Variants in JDP2 observed in about 807,000 individuals in gnomAD.
JDP2 encodes the protein Jun dimerization protein 2.
JDP2 carries 9 observed loss-of-function variants against 17.1 expected under a neutral mutation model. That is an observed-to-expected ratio of 0.53 (90% CI 0.32 to 0.92). JDP2 has a LOEUF of 0.92. JDP2 is among the 40% of genes least tolerant of loss of function. The pLI is 0.04. For missense variants in JDP2, 179 were observed against 220.0 expected (o/e 0.81, Z 1.18); for synonymous variants, 107 against 95.6 (o/e 1.12, Z -0.69).
intron 2 of JDP2, among the ~76,000 whole-genome samples, chr14:75,440,008 G>A (rs534394191): frequency 6.6e-6 from 1 of 152,220 alleles, no homozygotes; most frequent in Non-Finnish European, 1.5e-5. Flanking sequence ...AAAGGCACTG[G>A]AGGAACTCTT....
In JDP2 at chr14:75,470,877, C is replaced by T. The variant is rs1337746219; in HGVS notation, c.*1402C>T. The T allele has an allele frequency of 6.6e-6, 1 of 152,238 alleles. No individual in the cohort carries two copies. The highest frequency in any genetic ancestry group is 1.5e-5 in the Non-Finnish European group (1 of 68,046). The allele number at this position is 152,238 out of a possible 1,614,324, so 9.4% of individuals were successfully genotyped here. ...AGGTCCAGGGAATTAAACTCGCAGA[C>T]ACCATTTGTTGAAGACTTATTTTGT... On this transcript the variant is annotated 3_prime_UTR_variant, in exon 4 of 4. Transcript: ENST00000651602.
intron 2 of JDP2, among the ~76,000 whole-genome samples, chr14:75,455,426 C>T (rs549158157): frequency 6.6e-5 from 10 of 152,254 alleles, no homozygotes; most frequent in South Asian, 6.2e-4. Flanking sequence ...GATTCATACA[C>T]GAGATAGTCT....
chr14:75,458,418 C>A (rs10138083), intron 2 of JDP2, among the ~76,000 whole-genome samples: 59,756 of 151,924 alleles, frequency 0.39, 12,100 homozygotes, highest in South Asian at 0.45. Flanking sequence ...GAGAACATGC[C>A]GTATTTGGTT....
At chr14:75,456,326 TC>T (rs993801969) in intron 2 of JDP2, among the ~76,000 whole-genome samples, 15 of 152,308 alleles carry the variant, frequency 9.8e-5, no homozygotes, top group African/African-American at 3.6e-4. Flanking sequence ...TGTCTCTCTC[TC>T]CCCTTCTTCA....
intron 2 of JDP2, among the ~76,000 whole-genome samples, chr14:75,456,744 T>C (rs1055089195): frequency 1.3e-5 from 2 of 152,190 alleles, no homozygotes; most frequent in Non-Finnish European, 2.9e-5. Flanking sequence ...GCATGACCCC[T>C]CAGTCCAGCA....
intron 2 of JDP2, among the ~76,000 whole-genome samples, chr14:75,452,299 C>T (rs1309142770): frequency 6.6e-6 from 1 of 152,208 alleles, no homozygotes; most frequent in African/African-American, 2.4e-5. Context: ...GCAGACACTC[C>T]ACCTCGCTGA....
intron 1 of JDP2, among the ~76,000 whole-genome samples, chr14:75,436,464 A>G (rs10483867): frequency 0.096 from 14,689 of 152,320 alleles, 1,601 homozygotes; most frequent in African/African-American, 0.26. Flanking sequence ...AAGCCAGCGA[A>G]TATTTTGATT....
chr14:75,441,169 T>G (rs1313606677), intron 2 of JDP2, among the ~76,000 whole-genome samples: 2 of 152,082 alleles, frequency 1.3e-5, no homozygotes, highest in Non-Finnish European at 2.9e-5. Flanking sequence ...GCGAGCCGGC[T>G]GAGCCGCTGT....
intron 1 of JDP2, among the ~76,000 whole-genome samples, chr14:75,434,932 T>A (rs1053571663): frequency 6.6e-6 from 1 of 152,236 alleles, no homozygotes; most frequent in Admixed American, 6.5e-5. Flanking sequence ...CACTTAGTTA[T>A]TATTTCAACA....
intron 3 of JDP2, among the ~76,000 whole-genome samples, chr14:75,462,966 G>A (rs948503461): frequency 1.3e-5 from 2 of 152,186 alleles, no homozygotes; most frequent in African/African-American, 4.8e-5. Context: ...TCTAAGACAC[G>A]AGCCTTCAAG....
chr14:75,461,836 G>C (rs925063560), intron 3 of JDP2, among the ~76,000 whole-genome samples: 4 of 152,146 alleles, frequency 2.6e-5, no homozygotes, highest in African/African-American at 9.7e-5. Context: ...GATGGCCCAG[G>C]ACTGCCACTA....
Position 75,449,472 on chromosome 14 carries a change from A to G in JDP2, c.201+11351A>G, listed in dbSNP as rs117747812. Among the ~76,000 whole-genome samples, 293 of 152,310 alleles carry G rather than the reference A, an allele frequency of 1.9e-3. 2 individuals are homozygous for G. Among genetic ancestry groups the G allele is most frequent in the Admixed American group, 5.3e-3 (81 of 15,308 alleles). ...TTGTTAAAGAGTCAGTTTCAGCTGTATTATTAACTCTTTGAGAAGAAGACA... is the reference window on the plus strand; with the variant it reads ...TTGTTAAAGAGTCAGTTTCAGCTGTGTTATTAACTCTTTGAGAAGAAGACA... On this transcript the variant is annotated intron_variant, in intron 2 of 3. Transcript: ENST00000651602.
At chr14:75,460,750 C>T (rs1390920699) in intron 2 of JDP2, among the ~76,000 whole-genome samples, 1 of 152,190 alleles carries the variant, frequency 6.6e-6, no homozygotes, top group Non-Finnish European at 1.5e-5. Context: ...TGTGGGAGAG[C>T]TGAGGGACCC....
Position 75,432,162 on chromosome 14 carries a change from C to T in JDP2, c.-24+3910C>T, listed in dbSNP as rs1442950598. On this transcript the variant is annotated intron_variant, in intron 1 of 3. Coordinates refer to ENST00000651602, the MANE Select transcript of JDP2 (RefSeq NM_001135048.2). ...AAGAGGGCCTTTTGCTGCTCGCCTT[C>T]ACTCTCAGTCTTGGGGCCTTCCCCA... 7.6e-6 allele frequency: 5 copies of T among 655,802 alleles called. No individual in the cohort carries two copies. In the Admixed American group the frequency reaches 1.3e-4, roughly 17 times the overall value. 40.6% of individuals were successfully genotyped at this position (655,802 alleles called of 1,614,324 possible).
At chr14:75,437,172 C>G (rs934236802) in intron 1 of JDP2, among the ~76,000 whole-genome samples, 81 of 97,920 alleles carry the variant, frequency 8.3e-4, no homozygotes, top group East Asian at 3.3e-3. Context: ...CCAGCCTGGG[C>G]AAAAAAAAAA....
chr14:75,446,111 T>C (rs1004727635), intron 2 of JDP2, among the ~76,000 whole-genome samples: 1 of 152,180 alleles, frequency 6.6e-6, no homozygotes, highest in East Asian at 1.9e-4. Flanking sequence ...GAGATACTAC[T>C]TTGCACCCAC....
In JDP2 at chr14:75,462,652, G is replaced by A. The variant is rs188794226; in HGVS notation, c.306+1122G>A. Among the ~76,000 whole-genome samples the A allele has an allele frequency of 2.0e-3, 300 of 152,228 alleles. 1 individual carries two copies. Among genetic ancestry groups the A allele is most frequent in the Admixed American group, 7.3e-3 (111 of 15,302 alleles). On this transcript the variant is annotated intron_variant, in intron 3 of 3. Coordinates refer to ENST00000651602, the MANE Select transcript of JDP2 (RefSeq NM_001135048.2). ...GTACTAAATGTGCATCCGTGTGTTG[G>A]GTACACTGGGGGCACACAGGAAGCA...
At chr14:75,464,597 CG>C (rs1261730642) in intron 3 of JDP2, among the ~76,000 whole-genome samples, 2 of 152,144 alleles carry the variant, frequency 1.3e-5, no homozygotes, top group African/African-American at 2.4e-5. Context: ...TTGGTATCCT[CG>C]GGGAGTCCTG....
At chr14:75,445,902 G>A (rs571873319) in intron 2 of JDP2, among the ~76,000 whole-genome samples, 3 of 152,272 alleles carry the variant, frequency 2.0e-5, no homozygotes, top group East Asian at 1.9e-4. Context: ...TTTGCAAATC[G>A]TAGATCCAAT....
Sources: gnomAD v4.1 joint callset for allele counts (sites outside exome capture counted in the v4.1 genomes callset) on GRCh38, gnomAD v4.1.1 for gene constraint, MANE v1.5 for transcripts, NCBI Gene and HGNC (gene_info 2026-07-23, HGNC 2026-07-21) for gene names.